Variants in CACNG3 observed in about 807,000 individuals in gnomAD.
CACNG3 encodes the protein voltage-dependent calcium channel gamma-3 subunit.
A neutral mutation model predicts 28.5 loss-of-function variants in CACNG3; 3 were observed. The observed-to-expected ratio is 0.11, with a 90% CI of 0.05 to 0.27. The LOEUF (loss-of-function observed/expected upper bound fraction) is 0.27. Among genes scored for constraint, CACNG3 ranks in the 10% least tolerant of loss-of-function variants. CACNG3 has a pLI of 1.00. For synonymous variants in CACNG3, 174 were observed against 162.2 expected, an observed-to-expected ratio of 1.07 and a Z score of -0.55; for missense variants, 236 against 414.4, an observed-to-expected ratio of 0.57 and a Z score of 3.74.
chr16:24,277,595 T>G (rs561780067), intron 1 of CACNG3, among the ~76,000 whole-genome samples: 7 of 152,078 alleles, frequency 4.6e-5, no homozygotes, highest in African/African-American at 1.4e-4. Flanking sequence ...GCCGAAATGG[T>G]GAAACCCCGT....
intron 1 of CACNG3, among the ~76,000 whole-genome samples, chr16:24,265,404 AAAAG>A (rs1305182990): frequency 2.0e-5 from 3 of 147,612 alleles, no homozygotes; most frequent in Non-Finnish European, 3.0e-5. Flanking sequence ...GAAAGAAAGA[AAAAG>A]AAAGAAGAAA....
chr16:24,271,128 T>G (rs1029232062), intron 1 of CACNG3, among the ~76,000 whole-genome samples: 4 of 152,210 alleles, frequency 2.6e-5, no homozygotes, highest in Non-Finnish European at 4.4e-5. Context: ...AGAATGGCTC[T>G]TGAATTCACC....
At position 24,315,330 on chromosome 16, in the gene CACNG3, T is replaced by A. The variant is rs147553802; in HGVS notation, c.212-31404T>A. Among the ~76,000 whole-genome samples, 56 of 152,114 alleles carry A rather than the reference T, an allele frequency of 3.7e-4. 1 individual carries two copies. The East Asian group carries it at 0.011, about 29-fold the overall frequency. Reference sequence around the variant, plus strand: ...TCCTAGGAAGGGATGTTTGGACTCCTGGGGTTTACTTCCCAAGCTGCCAGA... The same window carrying A: ...TCCTAGGAAGGGATGTTTGGACTCCAGGGGTTTACTTCCCAAGCTGCCAGA... On this transcript the variant is annotated intron_variant, in intron 1 of 3. Transcript: ENST00000005284.
chr16:24,294,242 G>A (rs747165662), intron 1 of CACNG3, among the ~76,000 whole-genome samples: 22 of 152,152 alleles, frequency 1.4e-4, no homozygotes, highest in African/African-American at 3.4e-4. Flanking sequence ...TCTCCCCTCC[G>A]GGCAGCGAGG....
At chr16:24,276,274 C>G (rs959289536) in intron 1 of CACNG3, among the ~76,000 whole-genome samples, 3 of 152,084 alleles carry the variant, frequency 2.0e-5, no homozygotes, top group Admixed American at 2.0e-4. Context: ...TGTTAACATG[C>G]AATTGAATTT....
intron 1 of CACNG3, among the ~76,000 whole-genome samples, chr16:24,341,610 T>C (rs1395427999): frequency 6.6e-6 from 1 of 152,242 alleles, no homozygotes; most frequent in African/African-American, 2.4e-5. Context: ...GTTACTATTA[T>C]TATCTTCATT....
At chr16:24,259,009 C>T (rs188911096) in intron 1 of CACNG3, among the ~76,000 whole-genome samples, 1 of 152,246 alleles carries the variant, frequency 6.6e-6, no homozygotes, top group African/African-American at 2.4e-5. Context: ...ACAGTTTGTA[C>T]AAGGAATTGA....
intron 1 of CACNG3, among the ~76,000 whole-genome samples, chr16:24,262,291 C>A (rs1567205763): frequency 1.3e-5 from 2 of 152,076 alleles, no homozygotes; most frequent in African/African-American, 4.8e-5. Context: ...GCCTGAGAGG[C>A]AGATGGAAGA....
chr16:24,346,911 G>C, intron 2 of CACNG3, 94 bp downstream of exon 2: 1 of 942,530 alleles, frequency 1.1e-6, no homozygotes, highest in Non-Finnish European at 1.7e-6. Context: ...CTCAGCATCT[G>C]TCCCTAGAAA....
In CACNG3 at chr16:24,361,659, C is replaced by T. The variant is rs772502664; in HGVS notation, c.744C>T (p.Ser248=). 2 of 1,613,968 alleles carry T rather than the reference C, an allele frequency of 1.2e-6. No homozygotes were observed. Among genetic ancestry groups the T allele is most frequent in the Non-Finnish European group, 1.7e-6 (2 of 1,179,970 alleles). ...CCGAGCCCAGATCCCGAGACCTGTC[C>T]CCCATCAGCAAAGGCTTCCACACCA... ...RSTEPRSRDL[S]PISKGFHTIP... is the part of the protein sequence containing the mutation. The change falls in exon 4 of 4, where the codon TCC becomes TCT. Residue 248 remains serine, a synonymous_variant. Transcript: ENST00000005284. The surrounding 1 kb of genome is among the most constrained non-coding windows in gnomAD (Gnocchi z 6.8).
intron 1 of CACNG3, among the ~76,000 whole-genome samples, chr16:24,265,901 A>C (rs1470343056): frequency 6.6e-6 from 1 of 152,224 alleles, no homozygotes; most frequent in African/African-American, 2.4e-5. Context: ...AAGTTTGCCA[A>C]ACCCTGCTAT....
intron 1 of CACNG3, among the ~76,000 whole-genome samples, chr16:24,320,523 GGA>G (rs202194208): frequency 6.6e-6 from 1 of 152,024 alleles, no homozygotes; most frequent in East Asian, 1.9e-4. Flanking sequence ...AAGGGATTGT[GGA>G]CCTTAGAAAT....
intron 1 of CACNG3, among the ~76,000 whole-genome samples, chr16:24,325,040 A>G (rs1173804910): frequency 6.6e-6 from 1 of 152,144 alleles, no homozygotes; most frequent in Non-Finnish European, 1.5e-5. Context: ...CCTTTGAAGA[A>G]CCAAGAGTGC....
chr16:24,262,692 C>T (rs1479718786), intron 1 of CACNG3, among the ~76,000 whole-genome samples: 1 of 152,180 alleles, frequency 6.6e-6, no homozygotes, highest in Non-Finnish European at 1.5e-5. Context: ...AAATCTCATT[C>T]CCAGTCGTAT....
chr16:24,357,486 G>A lies in CACNG3; in HGVS notation c.436+2513G>A, dbSNP rs190755113. On this transcript the variant is annotated intron_variant, in intron 3 of 3. Coordinates refer to ENST00000005284, the MANE Select transcript of CACNG3 (RefSeq NM_006539.4). ...AGCAACCACACAGTTCCAAAATCTG[G>A]AGCCCCACAAGATCTTGCTCGAATT... 2.4e-3 allele frequency among the ~76,000 whole-genome samples: 371 copies of A among 152,220 alleles called. 6 individuals carry two copies. The highest frequency in any genetic ancestry group is 1.8e-3 in the Non-Finnish European group (123 of 68,014).
intron 3 of CACNG3, among the ~76,000 whole-genome samples, chr16:24,358,992 C>T (rs139221079): frequency 2.0e-5 from 3 of 152,214 alleles, no homozygotes; most frequent in African/African-American, 7.2e-5. Flanking sequence ...ATTGGCAATT[C>T]GCTTGGCTTC....
Position 24,346,731 on chromosome 16 carries a change from C to A in CACNG3, c.212-3C>A. 6.2e-7 allele frequency: 1 copy of A among 1,612,938 alleles called. No individual in the cohort carries two copies. Among genetic ancestry groups the A allele is most frequent in the African/African-American group, 1.3e-5 (1 of 75,022 alleles). ...GGCTCAGAACCCTTATCTGTTTCCA[C>A]AGGGGCTTTCCGAGGCGTGTGCAAG... On this transcript the variant is annotated splice_region_variant and splice_polypyrimidine_tract_variant and intron_variant, in intron 1 of 3. Transcript: ENST00000005284.
chr16:24,284,590 T>C (rs1286845404), intron 1 of CACNG3, among the ~76,000 whole-genome samples: 3 of 152,240 alleles, frequency 2.0e-5, no homozygotes, highest in Non-Finnish European at 4.4e-5. Flanking sequence ...TCTTTCAGTC[T>C]TTAACTTTTA....
rs191768902 is a variant in CACNG3 at position 24,288,440 on chromosome 16, G to T, written c.211+31475G>T. Reference sequence around the variant, plus strand: ...GAACCCAGGTTTTTCTCCTTCCTTAGGAGTATCGCTCGTGCTTTGGAAGTG... The same window carrying T: ...GAACCCAGGTTTTTCTCCTTCCTTATGAGTATCGCTCGTGCTTTGGAAGTG... On this transcript the variant is annotated intron_variant, in intron 1 of 3. Transcript: ENST00000005284. 9.2e-5 allele frequency among the ~76,000 whole-genome samples: 14 copies of T among 152,284 alleles called. No homozygotes were observed. The East Asian group carries it at 2.3e-3, about 25-fold the overall frequency.
Sources: gnomAD v4.1 joint callset for allele counts (sites outside exome capture counted in the v4.1 genomes callset) on GRCh38, gnomAD v4.1.1 for gene constraint, Gnocchi (gnomAD v3.1) non-coding constraint, MANE v1.5 for transcripts, NCBI Gene and HGNC (gene_info 2026-07-23, HGNC 2026-07-21) for gene names.